Variants in PRKG1 observed in about 807,000 individuals in gnomAD.
The protein encoded by PRKG1 is protein kinase cGMP-dependent 1.
PRKG1 carries 35 observed loss-of-function variants against 88.1 expected under a neutral mutation model. The observed-to-expected ratio is 0.40, with a 90% confidence interval of 0.30 to 0.53. The LOEUF is 0.53. Ranked by LOEUF, PRKG1 falls within the 20% of genes least tolerant of loss-of-function variation. The pLI, the probability that PRKG1 is intolerant of heterozygous loss-of-function variation, is 0.59. For missense variants in PRKG1, 540 were observed against 839.8 expected, an observed-to-expected ratio of 0.64 and a Z score of 4.41; for synonymous variants, 303 against 292.5, an observed-to-expected ratio of 1.04 and a Z score of -0.37.
chr10:51,984,243 T>G (rs952352990), intron 5 of PRKG1, among the ~76,000 whole-genome samples: 3 of 152,216 alleles, frequency 2.0e-5, no homozygotes, highest in African/African-American at 7.2e-5. Context: ...AATGCATTAT[T>G]GAAGACATTA....
chr10:51,756,022 A>T (rs1300098994), intron 3 of PRKG1, among the ~76,000 whole-genome samples: 1 of 152,246 alleles, frequency 6.6e-6, no homozygotes, highest in Non-Finnish European at 1.5e-5. Flanking sequence ...CACGCTTTTG[A>T]GACAGACGAT....
intron 5 of PRKG1, among the ~76,000 whole-genome samples, chr10:52,039,973 A>G (rs1373107403): frequency 2.0e-5 from 3 of 152,130 alleles, no homozygotes; most frequent in African/African-American, 7.2e-5. Context: ...ACAAGCCTAG[A>G]CAGAAACAAA....
intron 1 of PRKG1, among the ~76,000 whole-genome samples, chr10:51,094,046 C>T (rs755147666): frequency 9.2e-5 from 14 of 151,870 alleles, no homozygotes; most frequent in Non-Finnish European, 1.9e-4. Flanking sequence ...GTGCTTGGCA[C>T]AGTAGATGTG....
At chr10:52,051,714 G>A (rs1845990862) in intron 5 of PRKG1, among the ~76,000 whole-genome samples, 1 of 152,198 alleles carries the variant, frequency 6.6e-6, no homozygotes, top group Non-Finnish European at 1.5e-5. Context: ...AGCTCAGAGA[G>A]GGGCAAACTT....
intron 6 of PRKG1, among the ~76,000 whole-genome samples, chr10:52,058,386 C>A (rs536505144): frequency 4.6e-5 from 7 of 152,028 alleles, no homozygotes; most frequent in Admixed American, 3.3e-4. Context: ...CATTATCATG[C>A]CAAATGATGC....
intron 2 of PRKG1, among the ~76,000 whole-genome samples, chr10:51,360,100 G>A (rs761253459): frequency 5.3e-5 from 8 of 151,888 alleles, no homozygotes; most frequent in Non-Finnish European, 7.4e-5. Flanking sequence ...TAATTAGATC[G>A]TTGACACTTT....
rs534466580 is a variant in PRKG1, at chr10:51,238,378, TG to T, written c.478+85049del. 3.8e-3 allele frequency among the ~76,000 whole-genome samples: 573 copies of T among 152,230 alleles called. 5 individuals are homozygous for T. The highest frequency in any genetic ancestry group is 0.013 in the African/African-American group (541 of 41,562). On this transcript the variant is annotated intron_variant, in intron 2 of 17. Coordinates refer to ENST00000373980, the MANE Select transcript of PRKG1 (RefSeq NM_006258.4). ...GGCAGGTCACCTGAGGTCAGGAGTT[TG>T]AGACCAGCCTGGTCAACATGGTAAA...
intron 2 of PRKG1, among the ~76,000 whole-genome samples, chr10:51,376,899 A>G (rs1479469911): frequency 6.6e-6 from 1 of 150,544 alleles, no homozygotes; most frequent in African/African-American, 2.4e-5. Flanking sequence ...CTGTTTTTGA[A>G]CTCCTGACCT....
intron 7 of PRKG1, among the ~76,000 whole-genome samples, chr10:52,105,439 C>T (rs1280126868): frequency 3.9e-5 from 6 of 152,078 alleles, no homozygotes; most frequent in South Asian, 2.1e-4. Context: ...TGAAGGGCCA[C>T]GTAGAATTAA....
chr10:51,430,031 A>T (rs1838713306), intron 2 of PRKG1, among the ~76,000 whole-genome samples: 1 of 152,044 alleles, frequency 6.6e-6, no homozygotes, highest in Non-Finnish European at 1.5e-5. Context: ...TAACAAACTC[A>T]GAGTGGAATA....
rs1295190426 is a variant in PRKG1 at position 52,202,931 on chromosome 10, GGTCT to G, written c.1076+40969_1076+40972del. ...CTTCTCTCTCTTTTCTCTAGCTAGT[GGTCT>G]ATCATTCTTATTTATTCTTTCAAAG... is the stretch of plus-strand genomic sequence containing the variant. On this transcript the variant is annotated intron_variant, in intron 9 of 17. Coordinates refer to ENST00000373980, the MANE Select transcript of PRKG1 (RefSeq NM_006258.4). Among the ~76,000 whole-genome samples the G allele has an allele frequency of 1.8e-4, 27 of 151,810 alleles. 2 individuals are homozygous for G. In the East Asian group the frequency reaches 4.8e-3, roughly 27 times the overall value.
chr10:51,493,561 T>C (rs1231701317), intron 3 of PRKG1, among the ~76,000 whole-genome samples: 2 of 152,238 alleles, frequency 1.3e-5, no homozygotes, highest in African/African-American at 4.8e-5. Flanking sequence ...AATCTGCTGC[T>C]CTGCTTTGAG....
At chr10:51,741,196 T>C (rs1186656941) in intron 3 of PRKG1, among the ~76,000 whole-genome samples, 1 of 152,168 alleles carries the variant, frequency 6.6e-6, no homozygotes, top group Non-Finnish European at 1.5e-5. Context: ...TGAGTCATTC[T>C]GGGTGTAAAA....
intron 2 of PRKG1, among the ~76,000 whole-genome samples, chr10:51,353,981 C>T (rs1842309073): frequency 6.6e-6 from 1 of 151,978 alleles, no homozygotes; most frequent in African/African-American, 2.4e-5. Flanking sequence ...GAATGAGATC[C>T]AGTCATTTAC....
intron 3 of PRKG1, among the ~76,000 whole-genome samples, chr10:51,690,147 G>A (rs757467829): frequency 2.6e-5 from 4 of 152,050 alleles, no homozygotes; most frequent in Non-Finnish European, 5.9e-5. Flanking sequence ...AGGGGGAGGT[G>A]CTGCACACTT....
rs559770526 is a variant in PRKG1, at chr10:51,982,662, T to C, written c.763-71822T>C. 2.4e-4 allele frequency among the ~76,000 whole-genome samples: 36 copies of C among 152,286 alleles called. 1 individual carries two copies. Among genetic ancestry groups the C allele is most frequent in the African/African-American group, 8.7e-4 (36 of 41,556 alleles). On this transcript the variant is annotated intron_variant, in intron 5 of 17. Transcript: ENST00000373980. Reference sequence around the variant, plus strand: ...CCCCAAACTTTGTTCTCTGTCTCCTTGAGATTAGGAATCCATTGTGCTGGG... The same window carrying C: ...CCCCAAACTTTGTTCTCTGTCTCCTCGAGATTAGGAATCCATTGTGCTGGG...
At chr10:51,273,331 C>T (rs1298133614) in intron 2 of PRKG1, among the ~76,000 whole-genome samples, 2 of 123,052 alleles carry the variant, frequency 1.6e-5, no homozygotes, top group Non-Finnish European at 3.3e-5. Context: ...GGCAACATGA[C>T]AAAACTCCAT....
At chr10:51,817,040 GA>G (rs1839604592) in intron 4 of PRKG1, among the ~76,000 whole-genome samples, 1 of 152,034 alleles carries the variant, frequency 6.6e-6, no homozygotes, top group South Asian at 2.1e-4. Flanking sequence ...TAAAATTTAA[GA>G]ATTTTAATTA....
chr10:51,804,499 A>G lies in PRKG1; in HGVS notation c.593-86A>G. 3 of 844,786 alleles carry G rather than the reference A, an allele frequency of 3.6e-6. No homozygotes were observed. In the Admixed American group the frequency reaches 6.3e-5, roughly 18 times the overall value. The allele number at this position is 844,786 out of a possible 1,614,324, so 52.3% of individuals were successfully genotyped here. Reference sequence around the variant, plus strand: ...AATCATTTTCATGATTCTCATGAATAGCTCATCTCCTTTGCAGGATGTTGT... The same window carrying G: ...AATCATTTTCATGATTCTCATGAATGGCTCATCTCCTTTGCAGGATGTTGT... On this transcript the variant is annotated intron_variant, in intron 3 of 17. Transcript: ENST00000373980.
Sources: gnomAD v4.1 joint callset for allele counts (sites outside exome capture counted in the v4.1 genomes callset) on GRCh38, gnomAD v4.1.1 for gene constraint, MANE v1.5 for transcripts, NCBI Gene and HGNC (gene_info 2026-07-23, HGNC 2026-07-21) for gene names.